Variants in KCP observed in about 807,000 individuals in gnomAD.
KCP encodes the protein kielin cysteine rich BMP regulator, also known as kielin/chordin-like protein.
A neutral mutation model predicts 212.7 loss-of-function variants in KCP; 194 were observed. The ratio of observed to expected loss-of-function variants is 0.91; its 90% CI spans 0.81 to 1.03. KCP has a LOEUF of 1.03. KCP is among the 50% of genes least tolerant of loss of function. The probability of loss-of-function intolerance (pLI) is 0.00; values close to 1 mark genes in which losing one functional copy is unlikely to be tolerated. For synonymous variants in KCP, 833 were observed against 865.3 expected (o/e 0.96, Z 0.65); for missense variants, 2,080 against 2,162.5 (o/e 0.96, Z 0.76).
In KCP at chr7:128,908,483, G is replaced by T. The variant is rs1266771790; in HGVS notation, c.162C>A (p.His54Gln). ...VLAGNSQEQW[H>Q]PLREWLGRLE... ...GTCGCCCCAGCCACTCTCGCAGGGG[G>T]TGCCACTGCTCCTGGGAGTTCCCAG... Residue 54 changes from histidine to glutamine, a missense_variant, in exon 2 of 40, where the codon CAC (histidine) becomes CAA (glutamine). Physicochemically the swap from His to Gln is conservative, Grantham distance 24 (BLOSUM62 0). Transcript: ENST00000610776. 1 of 1,551,962 alleles carries T rather than the reference G, an allele frequency of 6.4e-7. No homozygotes were observed. Among genetic ancestry groups the T allele is most frequent in the Admixed American group, 2.0e-5 (1 of 51,008 alleles).
Position 128,893,819 on chromosome 7 carries a change from G to A in KCP, c.1086C>T (p.Cys362=). The A allele has an allele frequency of 2.6e-6, 4 of 1,550,966 alleles. No homozygotes were observed. The highest frequency in any genetic ancestry group is 1.4e-5 in the African/African-American group (1 of 73,170). ...RHPGKIPGQC[C]PVCDGCEYQG... is the part of the protein sequence containing the mutation. The stretch of plus-strand genomic sequence containing the variant: ...GCCCCCACTCACCATCGCAGACAGG[G>A]CAGCACTGCCCAGGGATCTTGCCTG... The change falls in exon 11 of 40, where the codon TGC becomes TGT. Residue 362 remains cysteine (C), a synonymous_variant. Coordinates refer to ENST00000610776, the MANE Select transcript of KCP (RefSeq NM_001366122.1).
In KCP at chr7:128,910,612, G is replaced by T; in HGVS notation, c.65C>A (p.Ala22Glu). 2 of 1,514,978 alleles carry T rather than the reference G, an allele frequency of 1.3e-6. No individual in the cohort carries two copies. The highest frequency in any genetic ancestry group is 8.8e-7 in the Non-Finnish European group (1 of 1,138,736). 93.8% of individuals were successfully genotyped at this position (1,514,978 alleles called of 1,614,324 possible). A position where few individuals can be genotyped will look rare whatever the true frequency, so the allele number is the denominator to read the frequency against. The stretch of plus-strand genomic sequence containing the variant: ...GCACCTGGACTCACCTTCCGCGCCC[G>T]CGGCCAGCGCCAGGGCCCCGAGGTG... ...LLHLGALALA[A>E]GAEGGAVPRE... The change falls in exon 1 of 40, where the codon GCG becomes GAG. Residue 22 changes from alanine (A) to glutamate (E), a missense_variant. Coordinates refer to ENST00000610776, the MANE Select transcript of KCP (RefSeq NM_001366122.1).
chr7:128,884,033 A>AG lies in KCP; in HGVS notation c.3212dup (p.Gly1072TrpfsTer15), dbSNP rs1474303761. The stretch of plus-strand genomic sequence containing the variant: ...AGGTGGGACAGCAGTGCTGGGGCCC[A>AG]GGGGGCAGGAGCTGGCTGGGGGGGC... On this transcript the variant is annotated frameshift_variant, in exon 29 of 40. Coordinates refer to ENST00000610776, the MANE Select transcript of KCP (RefSeq NM_001366122.1). LOFTEE classifies it high-confidence loss of function. 4 of 1,547,706 alleles carry AG rather than the reference A, an allele frequency of 2.6e-6. No individual in the cohort carries two copies. The highest frequency in any genetic ancestry group is 2.4e-5 in the South Asian group (2 of 83,882).
Position 128,885,168 on chromosome 7 carries a change from G to A in KCP, c.2969C>T (p.Ala990Val). 1 of 1,550,860 alleles carries A rather than the reference G, an allele frequency of 6.4e-7. No homozygotes were observed. Among genetic ancestry groups the A allele is most frequent in the Non-Finnish European group, 8.7e-7 (1 of 1,147,006 alleles). The change falls in exon 27 of 40, where the codon GCA becomes GTA. Residue 990 changes from alanine (A) to valine (V), a missense_variant. By Grantham distance (64) the Ala-to-Val change is moderately conservative. Coordinates refer to ENST00000610776, the MANE Select transcript of KCP (RefSeq NM_001366122.1). ...CVCHEGVVTC[A>V]RIQCISSCAQ... is the part of the protein sequence containing the mutation. ...GCAAGAGCTGATGCACTGGATGCGT[G>A]CACAGGTGACGACGCCCTCGTGACA... is the stretch of plus-strand genomic sequence containing the variant.
chr7:128,894,407 G>T (rs1416318655), intron 8 of KCP, 114 bp from the exon 9 acceptor site: 9 of 784,896 alleles, frequency 1.1e-5, no homozygotes, highest in Non-Finnish European at 1.8e-5. Context: ...TGAATTGTGT[G>T]TCCCCGCCCC....
In KCP at chr7:128,903,725, A is replaced by G; in HGVS notation, c.748+2T>C. 1 of 1,547,744 alleles carries G rather than the reference A, an allele frequency of 6.5e-7. No individual in the cohort carries two copies. The highest frequency in any genetic ancestry group is 8.7e-7 in the Non-Finnish European group (1 of 1,145,090). On this transcript the variant is annotated splice_donor_variant, in intron 7 of 39. Transcript: ENST00000610776. LOFTEE classifies it high-confidence loss of function. ...TACCAGGGAGGGGCCAGGGGCTCTC[A>G]CCTTGGCAGGTTGGGCAGCAGTGCC... is the stretch of plus-strand genomic sequence containing the variant.
At chr7:128,895,530 T>C (rs1794464828) in intron 8 of KCP, among the ~76,000 whole-genome samples, 1 of 152,194 alleles carries the variant, frequency 6.6e-6, no homozygotes, top group Non-Finnish European at 1.5e-5. Context: ...TCAGAGGCGT[T>C]TGAACCAAAG....
Position 128,894,055 on chromosome 7 carries a change from C to A in KCP, c.926G>T (p.Gly309Val). Residue 309 changes from glycine (G) to valine (V), a missense_variant and splice_region_variant, in exon 10 of 40, where the codon GGC becomes GTC. Gly to Val is a moderately radical substitution (Grantham distance 109). Transcript: ENST00000610776. The part of the protein sequence containing the change: ...LPGTCCPVCD[G>V]CFLNGREHRS... ...GTGCTCCCGCCCGTTTAGGAAACAGCCTGTTGGGAAGGGGGGCCTTAGATG... is the reference window on the plus strand; with the variant it reads ...GTGCTCCCGCCCGTTTAGGAAACAGACTGTTGGGAAGGGGGGCCTTAGATG... The A allele has an allele frequency of 6.5e-7, 1 of 1,549,262 alleles. No homozygotes were observed.
intron 8 of KCP, among the ~76,000 whole-genome samples, chr7:128,899,405 T>C (rs1794710178): frequency 6.6e-6 from 1 of 152,218 alleles, no homozygotes; most frequent in African/African-American, 2.4e-5. Flanking sequence ...TAAATGCAGG[T>C]TTTCTGATAA....
intron 8 of KCP, among the ~76,000 whole-genome samples, chr7:128,894,522 G>A (rs1794400784): frequency 6.6e-6 from 1 of 152,094 alleles, no homozygotes; most frequent in South Asian, 2.1e-4. Context: ...TCATACTGGA[G>A]CAGGATGGGT....
rs368771730 is a variant in KCP, at chr7:128,902,593, A to C, written c.831+184T>G. 3.3e-5 allele frequency among the ~76,000 whole-genome samples: 5 copies of C among 152,206 alleles called. No homozygotes were observed. The East Asian group carries it at 5.8e-4, about 18-fold the overall frequency. On this transcript the variant is annotated intron_variant, in intron 8 of 39. Transcript: ENST00000610776. ...CGGGCTGAGCACCTCTTGGGCTCAGAGCTGGGCACGCAGATGAGCTCTGCC... is the reference window on the plus strand; with the variant it reads ...CGGGCTGAGCACCTCTTGGGCTCAGCGCTGGGCACGCAGATGAGCTCTGCC...
intron 6 of KCP, 94 bp from the exon 7 acceptor site, chr7:128,903,914 G>A: frequency 7.3e-7 from 1 of 1,377,790 alleles, no homozygotes; most frequent in Middle Eastern, 2.2e-4. Flanking sequence ...GGGGGGCACA[G>A]GGCAGGGATG....
intron 8 of KCP, among the ~76,000 whole-genome samples, chr7:128,895,997 G>A (rs1250841769): frequency 2.0e-5 from 3 of 152,012 alleles, no homozygotes; most frequent in African/African-American, 7.3e-5. Flanking sequence ...ATTTTTTCTT[G>A]TGCAAGATCC....
intron 8 of KCP, among the ~76,000 whole-genome samples, chr7:128,899,704 G>C (rs1794727240): frequency 2.6e-5 from 4 of 152,220 alleles, no homozygotes; most frequent in Admixed American, 2.6e-4. Context: ...GAAACTATTT[G>C]TGAGTATTCT....
chr7:128,879,609 C>T lies in KCP; in HGVS notation c.4059G>A (p.Pro1353=), dbSNP rs1368474708. The T allele has an allele frequency of 4.3e-5, 66 of 1,550,390 alleles. No homozygotes were observed. Among genetic ancestry groups the T allele is most frequent in the Non-Finnish European group, 5.2e-5 (60 of 1,146,936 alleles). The change falls in exon 37 of 40, where the codon CCG becomes CCA. Residue 1353 remains proline, a synonymous_variant. Transcript: ENST00000610776. Reference sequence around the variant, plus strand: ...GCTCCTGCAGGAAGGGCAAGGCCACCGGGTGCCCATCCACCTGGAGGATAA... The same window carrying T: ...GCTCCTGCAGGAAGGGCAAGGCCACTGGGTGCCCATCCACCTGGAGGATAA... The part of the protein sequence containing the change: ...QDGAVTVDGH[P]VALPFLQEPL...
rs753148076 is a variant in KCP at position 128,906,320 on chromosome 7, G to T, written c.530C>A (p.Pro177His). The T allele has an allele frequency of 6.4e-7, 1 of 1,550,660 alleles. No individual in the cohort carries two copies. Among genetic ancestry groups the T allele is most frequent in the South Asian group, 1.2e-5 (1 of 84,000 alleles). The stretch of plus-strand genomic sequence containing the variant: ...GCAGCATGCTCCTGGCTCAGGGCAG[G>T]GTCCTCTTGGGCATGGCTTCTGGTT... ...TCNQKPCPRG[P>H]CPEPGACCPH... The change falls in exon 5 of 40, where the codon CCC becomes CAC. Residue 177 changes from proline to histidine, a missense_variant. Transcript: ENST00000610776.
Position 128,894,246 on chromosome 7 carries a change from T to G in KCP, c.879A>C (p.Pro293=). 2 of 1,544,368 alleles carry G rather than the reference T, an allele frequency of 1.3e-6. No homozygotes were observed. The highest frequency in any genetic ancestry group is 1.8e-6 in the Non-Finnish European group (2 of 1,142,160). The change falls in exon 9 of 40, where the codon CCA becomes CCC. Residue 293 remains proline (P), a synonymous_variant. Coordinates refer to ENST00000610776, the MANE Select transcript of KCP (RefSeq NM_001366122.1). ...CRQRECASLC[P]YPARPLPGTC... is the part of the protein sequence containing the mutation. ...TGCCTGGGAGGGGCCGGGCTGGGTA[T>G]GGACACAGGCTGGCACATTCTCGCT...
At chr7:128,880,801 T>G in intron 32 of KCP, 80 bp from the exon 33 acceptor site, 1 of 403,752 alleles carries the variant, frequency 2.5e-6, no homozygotes, top group Non-Finnish European at 4.4e-6. Context: ...CCTCTGGGCA[T>G]GGACTTCTGC....
At position 128,879,131 on chromosome 7, in the gene KCP, G is replaced by A. The variant is rs1585191367; in HGVS notation, c.4146+391C>T. The A allele has an allele frequency of 1.5e-5, 5 of 344,188 alleles. No individual in the cohort carries two copies. The East Asian group carries it at 2.7e-4, about 18-fold the overall frequency. 21.3% of individuals were successfully genotyped at this position (344,188 alleles called of 1,614,324 possible). The stretch of plus-strand genomic sequence containing the variant: ...TACGAATTTACGAGTTGTGTTTCCT[G>A]CTGGGGGCAGGGGGCAAATTACTCT... On this transcript the variant is annotated intron_variant, in intron 37 of 39. Coordinates refer to ENST00000610776, the MANE Select transcript of KCP (RefSeq NM_001366122.1).
Sources: gnomAD v4.1 joint callset for allele counts (sites outside exome capture counted in the v4.1 genomes callset) on GRCh38, gnomAD v4.1.1 for gene constraint, MANE v1.5 for transcripts, NCBI Gene and HGNC (gene_info 2026-07-23, HGNC 2026-07-21) for gene names.